SSPN: variants seen among roughly 807,000 people sequenced by gnomAD.
SSPN encodes the protein K-ras oncogene-associated protein.
SSPN carries 15 observed loss-of-function variants against 19.1 expected under a neutral mutation model. The observed-to-expected ratio is 0.78, with a 90% confidence interval of 0.52 to 1.21. The LOEUF is 1.21. SSPN is among the 50% of genes most tolerant of loss of function. The probability of loss-of-function intolerance (pLI) is 0.00; values close to 1 mark genes in which losing one functional copy is unlikely to be tolerated. For synonymous variants in SSPN, 147 were observed against 140.3 expected, an observed-to-expected ratio of 1.05 and a Z score of -0.34; for missense variants, 291 against 314.0, an observed-to-expected ratio of 0.93 and a Z score of 0.55.
chr12:26,154,262 T>C (rs777506811), intron 1 of SSPN, among the ~76,000 whole-genome samples: 48 of 152,236 alleles, frequency 3.2e-4, no homozygotes, highest in Admixed American at 5.9e-4. Context: ...TGATCTGGAA[T>C]ACCAAGCTGC....
At chr12:26,227,270 G>T (rs990003964) in intron 2 of SSPN, among the ~76,000 whole-genome samples, 1 of 152,116 alleles carries the variant, frequency 6.6e-6, no homozygotes, top group Non-Finnish European at 1.5e-5. Flanking sequence ...CTTTAGGGGG[G>T]ATCGAGTATA....
At chr12:26,207,954 C>T (rs987527845) in intron 1 of SSPN, among the ~76,000 whole-genome samples, 2 of 150,910 alleles carry the variant, frequency 1.3e-5, no homozygotes, top group East Asian at 2.0e-4. Flanking sequence ...GAGCCATGAT[C>T]GCACCACCGC....
chr12:26,227,612 G>T (rs1454507944), intron 2 of SSPN, among the ~76,000 whole-genome samples: 1 of 152,182 alleles, frequency 6.6e-6, no homozygotes, highest in Non-Finnish European at 1.5e-5. Context: ...CTCAGAACTG[G>T]CAGCTCTTTC....
At chr12:26,168,214 G>GA (rs60365188) in intron 1 of SSPN, among the ~76,000 whole-genome samples, 37 of 117,500 alleles carry the variant, frequency 3.1e-4, no homozygotes, top group South Asian at 5.8e-4. Flanking sequence ...CCCTGTCTCA[G>GA]AAAAAAAAAA....
chr12:26,204,262 G>A (rs1591879455), intron 1 of SSPN, among the ~76,000 whole-genome samples: 3 of 152,252 alleles, frequency 2.0e-5, no homozygotes. Context: ...GCGGCTCCGT[G>A]CTCATGCCAG....
intron 2 of SSPN, 97 bp from the exon 3 acceptor site, chr12:26,230,614 G>A (rs1945219549): frequency 7.1e-7 from 1 of 1,414,986 alleles, no homozygotes; most frequent in Admixed American, 2.5e-5. Context: ...GAAAATTTCT[G>A]GGAGGGAAGA....
chr12:26,164,776 G>A (rs564084411), intron 1 of SSPN, among the ~76,000 whole-genome samples: 2 of 152,160 alleles, frequency 1.3e-5, no homozygotes, highest in East Asian at 1.9e-4. Flanking sequence ...TAAAAAACCT[G>A]GTCAAAGCTA....
At chr12:26,174,304 T>TA (rs750680969) in intron 1 of SSPN, among the ~76,000 whole-genome samples, 1 of 152,216 alleles carries the variant, frequency 6.6e-6, no homozygotes, top group Non-Finnish European at 1.5e-5. Context: ...AAACTGCAAA[T>TA]ACTGACCACA....
chr12:26,206,250 A>C (rs528562610), intron 1 of SSPN, among the ~76,000 whole-genome samples: 2 of 152,268 alleles, frequency 1.3e-5, no homozygotes, highest in East Asian at 3.9e-4. Context: ...CCTCATGTTG[A>C]AAAGGACAAA....
intron 1 of SSPN, among the ~76,000 whole-genome samples, chr12:26,126,893 A>T (rs979808645): frequency 8.5e-5 from 13 of 152,266 alleles, no homozygotes; most frequent in African/African-American, 2.9e-4. Flanking sequence ...AAGTATTTTT[A>T]AAATGCTGAC....
intron 1 of SSPN, among the ~76,000 whole-genome samples, chr12:26,204,546 C>T (rs886598625): frequency 1.0e-5 from 1 of 96,200 alleles, no homozygotes; most frequent in Non-Finnish European, 2.4e-5. Context: ...TGAGTGGTAC[C>T]ATTGGGGAAT....
intron 1 of SSPN, chr12:26,125,467 T>C (rs1258384108): frequency 1.3e-5 from 2 of 156,790 alleles, no homozygotes; most frequent in Admixed American, 6.1e-5. Context: ...GTGGGTAAAC[T>C]TGAGTCCCAA....
chr12:26,178,376 C>A (rs1360262069), intron 1 of SSPN, among the ~76,000 whole-genome samples: 1 of 151,874 alleles, frequency 6.6e-6, no homozygotes, highest in African/African-American at 2.4e-5. Flanking sequence ...TGTGTGTAAG[C>A]CCTTCATGTT....
intron 1 of SSPN, among the ~76,000 whole-genome samples, chr12:26,177,922 A>G (rs1168637907): frequency 4.6e-5 from 7 of 152,176 alleles, no homozygotes; most frequent in Admixed American, 6.5e-5. Context: ...TTCATTTCCA[A>G]TTCCATATAT....
intron 1 of SSPN, chr12:26,122,968 G>C (rs867494245): frequency 1.3e-6 from 2 of 1,562,382 alleles, no homozygotes; most frequent in South Asian, 2.4e-5. Context: ...AGAGGGACCT[G>C]TTGAGTCAAC....
chr12:26,161,119 A>G (rs1338312223), intron 1 of SSPN, among the ~76,000 whole-genome samples: 1 of 151,794 alleles, frequency 6.6e-6, no homozygotes, highest in Non-Finnish European at 1.5e-5. Context: ...AAAAAAAAAA[A>G]AAAAAAAAAA....
chr12:26,196,092 C>CGT (rs1036008399), intron 1 of SSPN, 141 bp downstream of exon 1: 3 of 725,860 alleles, frequency 4.1e-6, no homozygotes, highest in Non-Finnish European at 6.1e-6. Context: ...GTGACTGATG[C>CGT]GTGGGGCACT....
At chr12:26,194,290 G>A (rs1030298402), upstream of SSPN, among the ~76,000 whole-genome samples, 8 of 152,206 alleles carry the variant, frequency 5.3e-5, no homozygotes, top group African/African-American at 1.7e-4. Flanking sequence ...TTATATCCTA[G>A]CACATTGTAG....
At chr12:26,145,364 A>G (rs1388270943) in intron 1 of SSPN, among the ~76,000 whole-genome samples, 2 of 152,044 alleles carry the variant, frequency 1.3e-5, no homozygotes, top group African/African-American at 2.4e-5. Context: ...TTGGTCAATC[A>G]CTGTGTCCTG....
Sources: gnomAD v4.1 joint callset for allele counts (sites outside exome capture counted in the v4.1 genomes callset) on GRCh38, gnomAD v4.1.1 for gene constraint, MANE v1.5 for transcripts, NCBI Gene and HGNC (gene_info 2026-07-23, HGNC 2026-07-21) for gene names.